The following PDGFD variants were observed in gnomAD, a reference collection of about 807,000 sequenced individuals.
PDGFD encodes the protein platelet-derived growth factor D.
A neutral mutation model predicts 44.7 loss-of-function variants in PDGFD; 30 were observed. The ratio of observed to expected loss-of-function variants is 0.67; its 90% CI spans 0.50 to 0.91. PDGFD has a LOEUF of 0.91. Ranked by LOEUF, PDGFD falls within the 40% of genes least tolerant of loss-of-function variation. PDGFD has a pLI of 0.00. For synonymous variants in PDGFD, 173 were observed against 168.4 expected (o/e 1.03, Z -0.21); for missense variants, 445 against 457.8 (o/e 0.97, Z 0.25).
chr11:104,077,507 G>A (rs2134425851), intron 1 of PDGFD, among the ~76,000 whole-genome samples: 1 of 152,260 alleles, frequency 6.6e-6, no homozygotes, highest in African/African-American at 2.4e-5. Context: ...GATTTGTGAA[G>A]TACATAAAAG....
rs532309773 is a variant in PDGFD at position 103,908,116 on chromosome 11, A to G, written c.*1578T>C. 1 of 152,346 alleles carries G rather than the reference A, an allele frequency of 6.6e-6. No homozygotes were observed. Among genetic ancestry groups the G allele is most frequent in the South Asian group, 2.1e-4 (1 of 4,824 alleles). The allele number at this position is 152,346 out of a possible 1,614,324, so 9.4% of individuals were successfully genotyped here. ...ACCCAAACTGGTTGTAGTTAGTAGG[A>G]CCACAAAGTCACTGAAGAAATCTGC... On this transcript the variant is annotated 3_prime_UTR_variant, in exon 7 of 7. Transcript: ENST00000393158.
chr11:104,002,603 A>C (rs1859636766), intron 1 of PDGFD, among the ~76,000 whole-genome samples: 1 of 152,184 alleles, frequency 6.6e-6, no homozygotes, highest in Non-Finnish European at 1.5e-5. Flanking sequence ...AATGACTAAC[A>C]CAGGTCTGAA....
Position 104,083,793 on chromosome 11 carries a change from G to A in PDGFD, c.124+80011C>T, listed in dbSNP as rs186410195. Reference sequence around the variant, plus strand: ...TGATATATTTCCACACTGGCAAGTCGGTGCATCCCATTTTGAGAAGAATGA... The same window carrying A: ...TGATATATTTCCACACTGGCAAGTCAGTGCATCCCATTTTGAGAAGAATGA... On this transcript the variant is annotated intron_variant, in intron 1 of 6. Coordinates refer to ENST00000393158, the MANE Select transcript of PDGFD (RefSeq NM_025208.5). Among the ~76,000 whole-genome samples, 189 of 152,276 alleles carry A rather than the reference G, an allele frequency of 1.2e-3. 1 individual carries two copies. Among genetic ancestry groups the A allele is most frequent in the African/African-American group, 4.3e-3 (180 of 41,556 alleles).
chr11:103,976,232 G>A (rs1259118326), intron 3 of PDGFD, among the ~76,000 whole-genome samples: 1 of 151,924 alleles, frequency 6.6e-6, no homozygotes. Context: ...AGTTGCTATT[G>A]TCAATAGTGG....
intron 3 of PDGFD, among the ~76,000 whole-genome samples, chr11:103,966,356 A>G (rs1859019817): frequency 6.6e-6 from 1 of 152,218 alleles, no homozygotes. Context: ...GTCAATTTCT[A>G]CAGTTGTTAT....
At chr11:104,093,147 G>A (rs1342159240) in intron 1 of PDGFD, among the ~76,000 whole-genome samples, 3 of 152,100 alleles carry the variant, frequency 2.0e-5, no homozygotes, top group Admixed American at 6.6e-5. Flanking sequence ...TCACAAGCTA[G>A]CAGCCCTTCT....
intron 1 of PDGFD, among the ~76,000 whole-genome samples, chr11:104,089,806 A>C (rs1861184761): frequency 6.6e-6 from 1 of 152,216 alleles, no homozygotes; most frequent in Non-Finnish European, 1.5e-5. Context: ...CCTCCAAGCT[A>C]CATGTCAAAC....
chr11:104,046,408 T>C (rs1295225874), intron 1 of PDGFD, among the ~76,000 whole-genome samples: 1 of 147,950 alleles, frequency 6.8e-6, no homozygotes, highest in African/African-American at 2.5e-5. Flanking sequence ...AAGCAACAGA[T>C]GGGTAGTTAG....
chr11:103,947,834 G>C, intron 3 of PDGFD, 110 bp from the exon 4 acceptor site: 2 of 796,422 alleles, frequency 2.5e-6, no homozygotes, highest in Non-Finnish European at 4.4e-6. Flanking sequence ...AGTGACAACA[G>C]ACATAGGGCT....
At chr11:104,005,403 C>T (rs1412123445) in intron 1 of PDGFD, among the ~76,000 whole-genome samples, 2 of 152,158 alleles carry the variant, frequency 1.3e-5, no homozygotes, top group Non-Finnish European at 2.9e-5. Flanking sequence ...GTGTAATCCA[C>T]TTCTAAGTCA....
chr11:104,147,447 C>A (rs1862180480), intron 1 of PDGFD, among the ~76,000 whole-genome samples: 2 of 152,056 alleles, frequency 1.3e-5, no homozygotes, highest in African/African-American at 4.8e-5. Flanking sequence ...AAATTATATG[C>A]AAATTAATGG....
chr11:103,970,446 A>G (rs796686351), intron 3 of PDGFD, among the ~76,000 whole-genome samples: 1 of 152,252 alleles, frequency 6.6e-6, no homozygotes, highest in African/African-American at 2.4e-5. Context: ...AAAGGTGCCA[A>G]TAAGAGTGCT....
At chr11:104,155,491 C>T (rs965456739) in intron 1 of PDGFD, among the ~76,000 whole-genome samples, 1 of 152,178 alleles carries the variant, frequency 6.6e-6, no homozygotes, top group African/African-American at 2.4e-5. Flanking sequence ...TGTCATTTCT[C>T]AGTGCTAATA....
At chr11:104,116,012 C>G (rs976235777) in intron 1 of PDGFD, among the ~76,000 whole-genome samples, 1 of 151,686 alleles carries the variant, frequency 6.6e-6, no homozygotes, top group Non-Finnish European at 1.5e-5. Context: ...GCTGACTGTT[C>G]CTTTTGTCAT....
rs371294977 is a variant in PDGFD, at chr11:104,032,007, C to A, written c.125-31752G>T. Reference sequence around the variant, plus strand: ...GGGGTCTGTCGGGAGAGGGCAAGGGCAGGGGAGAGCATGAGGAAAAATAGT... The same window carrying A: ...GGGGTCTGTCGGGAGAGGGCAAGGGAAGGGGAGAGCATGAGGAAAAATAGT... On this transcript the variant is annotated intron_variant, in intron 1 of 6. Transcript: ENST00000393158. Among the ~76,000 whole-genome samples the A allele has an allele frequency of 3.5e-4, 53 of 152,128 alleles. No homozygotes were observed. The South Asian group carries it at 9.6e-3, about 27-fold the overall frequency.
intron 1 of PDGFD, among the ~76,000 whole-genome samples, chr11:104,050,724 T>G (rs763221123): frequency 1.3e-5 from 2 of 152,112 alleles, no homozygotes; most frequent in African/African-American, 2.4e-5. Flanking sequence ...TCAATGTCCT[T>G]TAGTGTACGG....
At chr11:103,969,473 G>GGTTT (rs1859069074) in intron 3 of PDGFD, among the ~76,000 whole-genome samples, 1 of 82,748 alleles carries the variant, frequency 1.2e-5, no homozygotes, top group African/African-American at 4.6e-5. Context: ...CACCAAGCCT[G>GGTTT]GTTTTTTTTT....
intron 1 of PDGFD, among the ~76,000 whole-genome samples, chr11:104,035,156 G>A (rs577444794): frequency 2.6e-5 from 4 of 152,182 alleles, no homozygotes; most frequent in Non-Finnish European, 5.9e-5. Flanking sequence ...TTTTCCTACA[G>A]AACTGATGTC....
intron 1 of PDGFD, among the ~76,000 whole-genome samples, chr11:104,138,768 C>T (rs578172748): frequency 3.3e-5 from 5 of 152,144 alleles, no homozygotes; most frequent in African/African-American, 1.2e-4. Flanking sequence ...AGTATGGAGT[C>T]TCATTTTTTT....
Sources: allele counts gnomAD v4.1 joint callset (sites outside exome capture counted in the v4.1 genomes callset), GRCh38; gene constraint gnomAD v4.1.1; transcripts MANE v1.5; gene names NCBI Gene and HGNC (gene_info 2026-07-23, HGNC 2026-07-21).